The following COL9A1 variants were observed in gnomAD, a reference collection of about 807,000 sequenced individuals.
COL9A1 encodes the protein collagen alpha-1(IX) chain.
Under a neutral mutation model 142.6 loss-of-function variants are expected in COL9A1, and 104 were observed. The observed-to-expected ratio is 0.73, with a 90% confidence interval of 0.62 to 0.86. The LOEUF is 0.86. Ranked by LOEUF, COL9A1 falls within the 40% of genes least tolerant of loss-of-function variation. The probability of loss-of-function intolerance (pLI) is 0.00; values close to 1 mark genes in which losing one functional copy is unlikely to be tolerated. For missense variants in COL9A1, 1,210 were observed against 1,176.6 expected (o/e 1.03, Z -0.42); for synonymous variants, 466 against 396.0 (o/e 1.18, Z -2.10).
At chr6:70,259,637 C>T (rs1237622125) in intron 20 of COL9A1, among the ~76,000 whole-genome samples, 1 of 152,140 alleles carries the variant, frequency 6.6e-6, no homozygotes, top group African/African-American at 2.4e-5. Flanking sequence ...CTTCATGGGC[C>T]CTCTCAGTTT....
intron 10 of COL9A1, 180 bp from the exon 11 acceptor site, chr6:70,274,952 T>C (rs1214371897): frequency 1.7e-6 from 1 of 600,104 alleles, no homozygotes; most frequent in Non-Finnish European, 2.9e-6. Flanking sequence ...ACAGAAGATC[T>C]GCCTGTTGTG....
At chr6:70,243,179 A>G (rs960436379) in intron 28 of COL9A1, among the ~76,000 whole-genome samples, 1 of 152,264 alleles carries the variant, frequency 6.6e-6, no homozygotes, top group Admixed American at 6.5e-5. Context: ...AACACATAAT[A>G]GATATGTTTG....
intron 28 of COL9A1, among the ~76,000 whole-genome samples, chr6:70,250,270 A>G (rs1770861094): frequency 6.6e-6 from 1 of 152,110 alleles, no homozygotes; most frequent in South Asian, 2.1e-4. Context: ...AAAATAAAAT[A>G]AAATAAGATG....
At chr6:70,274,797 A>AT in intron 10 of COL9A1, 25 bp from the exon 11 acceptor site, 1 of 1,598,148 alleles carries the variant, frequency 6.3e-7, no homozygotes, top group Non-Finnish European at 8.6e-7. Flanking sequence ...CAATGATGTT[A>AT]GAACTATCAT....
intron 30 of COL9A1, 49 bp downstream of exon 30, chr6:70,241,915 G>C: frequency 6.7e-7 from 1 of 1,491,932 alleles, no homozygotes; most frequent in Non-Finnish European, 9.2e-7. Flanking sequence ...CAACATGGTA[G>C]AAATCACCCT....
At chr6:70,221,342 G>A (rs9455007) in intron 37 of COL9A1, among the ~76,000 whole-genome samples, 2,043 of 152,202 alleles carry the variant, frequency 0.013, 43 homozygotes, top group African/African-American at 0.044. Flanking sequence ...TATGTACCAG[G>A]AGTTTCTTAT....
At chr6:70,224,237 T>TA (rs1769082785) in intron 37 of COL9A1, among the ~76,000 whole-genome samples, 1 of 152,180 alleles carries the variant, frequency 6.6e-6, no homozygotes, top group South Asian at 2.1e-4. Flanking sequence ...TCTGATGTTC[T>TA]AAAAAGCAAG....
intron 5 of COL9A1, among the ~76,000 whole-genome samples, chr6:70,290,591 T>C (rs1002641651): frequency 4.0e-5 from 6 of 151,574 alleles, no homozygotes; most frequent in Non-Finnish European, 8.8e-5. Flanking sequence ...GGATGAAAGA[T>C]AGGATAGGCA....
chr6:70,264,471 C>T (rs955292481), intron 18 of COL9A1, among the ~76,000 whole-genome samples: 15 of 151,836 alleles, frequency 9.9e-5, no homozygotes, highest in Admixed American at 2.0e-4. Flanking sequence ...AGAGGCAGTC[C>T]CAATAGGAAA....
intron 18 of COL9A1, among the ~76,000 whole-genome samples, chr6:70,266,470 G>A (rs553728775): frequency 6.6e-6 from 1 of 152,052 alleles, no homozygotes; most frequent in South Asian, 2.1e-4. Context: ...GAAAAGAAAA[G>A]GTAGTGACAG....
At position 70,268,869 on chromosome 6, in the gene COL9A1, G is replaced by A; in HGVS notation, c.1231-9C>T. On this transcript the variant is annotated splice_polypyrimidine_tract_variant and intron_variant, in intron 16 of 37. Transcript: ENST00000357250. The stretch of plus-strand genomic sequence containing the variant: ...GGACAGGCATTGGGACACTGCCAGG[G>A]AGAGAGGGAACAAAGAGAAAGAAAG... 1.2e-6 allele frequency: 2 copies of A among 1,613,458 alleles called. No homozygotes were observed.
Position 70,217,035 on chromosome 6 carries a change from C to A in COL9A1, c.2628G>T (p.Glu876Asp), listed in dbSNP as rs1336291242. The A allele has an allele frequency of 1.2e-6, 2 of 1,614,176 alleles. No homozygotes were observed. The highest frequency in any genetic ancestry group is 8.5e-7 in the Non-Finnish European group (1 of 1,180,044). The stretch of plus-strand genomic sequence containing the variant: ...TTCCTGCCACCCCTGGGGGGCCTCG[C>A]TCACCGTCTCGGCCATTTCTGCCAT... ...ASYGRNGRDG[E>D]RGPPGVAGIP... Residue 876 changes from glutamate to aspartate, a missense_variant, in exon 38 of 38, where the codon GAG becomes GAT. Transcript: ENST00000357250.
chr6:70,279,840 A>T, intron 10 of COL9A1: 1 of 478,900 alleles, frequency 2.1e-6, no homozygotes, highest in Non-Finnish European at 3.8e-6. Context: ...ATTCTTGGAA[A>T]TCATAATTAT....
At chr6:70,240,119 A>G (rs1012101422) in intron 32 of COL9A1, among the ~76,000 whole-genome samples, 5 of 152,182 alleles carry the variant, frequency 3.3e-5, no homozygotes, top group African/African-American at 1.2e-4. Context: ...CATAATGATG[A>G]GCCTGCAAAC....
chr6:70,274,131 T>A (rs775392894), intron 11 of COL9A1, 49 bp from the exon 12 acceptor site: 2 of 1,442,878 alleles, frequency 1.4e-6, no homozygotes, highest in African/African-American at 2.8e-5. Context: ...ATCATGAATA[T>A]GTAAATGTGA....
intron 28 of COL9A1, among the ~76,000 whole-genome samples, chr6:70,251,142 A>G (rs1770911839): frequency 6.6e-6 from 1 of 152,248 alleles, no homozygotes; most frequent in South Asian, 2.1e-4. Context: ...ATTAATCCCC[A>G]CAATTAAATA....
intron 10 of COL9A1, among the ~76,000 whole-genome samples, chr6:70,278,583 C>A (rs1176753509): frequency 6.6e-6 from 1 of 152,080 alleles, no homozygotes; most frequent in African/African-American, 2.4e-5. Flanking sequence ...TTTTTCTCCC[C>A]TTTCCTCTCT....
At chr6:70,289,226 T>C (rs1228527397) in intron 5 of COL9A1, among the ~76,000 whole-genome samples, 1 of 152,160 alleles carries the variant, frequency 6.6e-6, no homozygotes, top group Non-Finnish European at 1.5e-5. Flanking sequence ...GAGATTAACA[T>C]GAACAAAGAT....
intron 18 of COL9A1, among the ~76,000 whole-genome samples, 195 bp downstream of exon 18, chr6:70,266,522 A>C (rs978631803): frequency 2.0e-5 from 3 of 152,194 alleles, no homozygotes; most frequent in Non-Finnish European, 4.4e-5. Context: ...TAAGTGTTTT[A>C]TTGTAAATGA....
Sources: allele counts gnomAD v4.1 joint callset (sites outside exome capture counted in the v4.1 genomes callset), GRCh38; gene constraint gnomAD v4.1.1; transcripts MANE v1.5; gene names NCBI Gene and HGNC (gene_info 2026-07-23, HGNC 2026-07-21).